Variants in PPP2R2B observed in about 807,000 individuals in gnomAD.
PPP2R2B encodes the protein protein phosphatase 2 regulatory subunit Bbeta.
Under a neutral mutation model 46.0 loss-of-function variants are expected in PPP2R2B, and 5 were observed. The observed-to-expected ratio is 0.11, with a 90% CI of 0.06 to 0.23. PPP2R2B has a LOEUF of 0.23. Ranked by LOEUF, PPP2R2B falls within the 10% of genes least tolerant of loss-of-function variation. PPP2R2B has a pLI of 1.00. For missense variants in PPP2R2B, 367 were observed against 575.0 expected (o/e 0.64, Z 3.70); for synonymous variants, 215 against 206.7 (o/e 1.04, Z -0.34).
chr5:146,594,903 T>A (rs1479942898), intron 8 of PPP2R2B, among the ~76,000 whole-genome samples: 1 of 152,222 alleles, frequency 6.6e-6, no homozygotes, highest in African/African-American at 2.4e-5. Context: ...GATCTCTTTT[T>A]TCCTGCAACT....
rs113231233 is a variant in PPP2R2B, at chr5:146,768,814, T to C, written c.71-67672A>G. Among the ~76,000 whole-genome samples, 1,269 of 152,290 alleles carry C rather than the reference T, an allele frequency of 8.3e-3. 26 individuals are homozygous for C. Among genetic ancestry groups the C allele is most frequent in the African/African-American group, 0.029 (1,216 of 41,552 alleles). ...TGCTGTCGCATCTGCCTAGTGTTTCTGAGACTTTTTACAGCTCTTAATCCT... is the reference window on the plus strand; with the variant it reads ...TGCTGTCGCATCTGCCTAGTGTTTCCGAGACTTTTTACAGCTCTTAATCCT... On this transcript the variant is annotated intron_variant, in intron 2 of 9. Coordinates refer to ENST00000394411, the MANE Select transcript of PPP2R2B (RefSeq NM_181675.4).
intron 1 of PPP2R2B, chr5:146,922,462 T>C (rs1193946373): frequency 2.0e-5 from 3 of 152,222 alleles, no homozygotes; most frequent in East Asian, 1.9e-4. Context: ...GACTGTAAGC[T>C]AGATGGTAGG....
chr5:147,052,025 G>A (rs139221864), intron 1 of PPP2R2B, among the ~76,000 whole-genome samples: 126 of 152,000 alleles, frequency 8.3e-4, no homozygotes, highest in Non-Finnish European at 1.5e-3. Context: ...AAGGAGTTAT[G>A]TGCTTCCTTA....
In PPP2R2B at chr5:146,878,115, A is replaced by G; in HGVS notation, c.-44T>C. 1 of 1,613,844 alleles carries G rather than the reference A, an allele frequency of 6.2e-7. No individual in the cohort carries two copies. On this transcript the variant is annotated 5_prime_UTR_variant, in exon 2 of 10. Coordinates refer to ENST00000394411, the MANE Select transcript of PPP2R2B (RefSeq NM_181675.4). The surrounding 1 kb of genome is among the most constrained non-coding windows in gnomAD (Gnocchi z 4.5). ...CGTGGGAACCAGAAGCCGGCAGACA[A>G]GTATCCATGATCCCTCCCCGCAGCC...
chr5:146,636,352 G>A (rs1774821277), intron 7 of PPP2R2B, among the ~76,000 whole-genome samples: 2 of 152,224 alleles, frequency 1.3e-5, no homozygotes, highest in Admixed American at 1.3e-4. Flanking sequence ...AAATTTGGGA[G>A]TGGGGGTAGA....
intron 1 of PPP2R2B, among the ~76,000 whole-genome samples, chr5:146,998,160 G>A (rs967099248): frequency 1.3e-5 from 2 of 152,190 alleles, no homozygotes; most frequent in African/African-American, 4.8e-5. Context: ...TCCTGGGACA[G>A]GCATTTTAAT....
At chr5:146,700,893 T>C in intron 3 of PPP2R2B, 152 bp downstream of exon 3, 1 of 707,214 alleles carries the variant, frequency 1.4e-6, no homozygotes. Flanking sequence ...TGAGTCTGAA[T>C]GTATAACAGT....
At position 146,687,112 on chromosome 5, in the gene PPP2R2B, G is replaced by A. The variant is rs572881311; in HGVS notation, c.447+4016C>T. ...GGAGAGGAAGAGAGGGAGAGGGAGAGAGAGGGAGCGATTGATCGATTAATC... is the reference window on the plus strand; with the variant it reads ...GGAGAGGAAGAGAGGGAGAGGGAGAAAGAGGGAGCGATTGATCGATTAATC... On this transcript the variant is annotated intron_variant, in intron 5 of 9. Transcript: ENST00000394411. Among the ~76,000 whole-genome samples the A allele has an allele frequency of 1.3e-4, 20 of 151,664 alleles. No homozygotes were observed. The Middle Eastern group carries it at 0.01, about 77-fold the overall frequency.
chr5:146,895,916 C>T (rs150223941), intron 1 of PPP2R2B, among the ~76,000 whole-genome samples: 1 of 152,194 alleles, frequency 6.6e-6, no homozygotes, highest in East Asian at 1.9e-4. Flanking sequence ...TATGTCCTGT[C>T]ACAGACCAGT....
intron 2 of PPP2R2B, among the ~76,000 whole-genome samples, chr5:146,759,892 T>C (rs190738811): frequency 2.7e-3 from 405 of 152,296 alleles, no homozygotes; most frequent in African/African-American, 9.2e-3. Flanking sequence ...TGTTAGTAGT[T>C]ATTGTGATGT....
intron 1 of PPP2R2B, among the ~76,000 whole-genome samples, chr5:147,012,682 T>C (rs1398952566): frequency 6.6e-6 from 1 of 151,738 alleles, no homozygotes; most frequent in African/African-American, 2.4e-5. Context: ...AGGGTGTCAA[T>C]TTTGGATCTT....
At chr5:146,667,489 A>G (rs1777074179) in intron 5 of PPP2R2B, among the ~76,000 whole-genome samples, 1 of 152,080 alleles carries the variant, frequency 6.6e-6, no homozygotes, top group Non-Finnish European at 1.5e-5. Context: ...ATAAGAATGG[A>G]GAAAAAGAAG....
At chr5:146,897,051 A>T (rs1762667501) in intron 1 of PPP2R2B, among the ~76,000 whole-genome samples, 1 of 152,208 alleles carries the variant, frequency 6.6e-6, no homozygotes, top group Non-Finnish European at 1.5e-5. Context: ...CTTTAAAATG[A>T]TAGTAAAGAA....
chr5:146,698,195 G>A (rs756388833), intron 3 of PPP2R2B, 51 bp from the exon 4 acceptor site: 12 of 1,424,466 alleles, frequency 8.4e-6, no homozygotes, highest in Non-Finnish European at 1.1e-5. Context: ...GTAGCCAACT[G>A]TAAAACTCGC....
At chr5:146,708,407 A>G (rs200776326) in intron 2 of PPP2R2B, among the ~76,000 whole-genome samples, 144 of 138,710 alleles carry the variant, frequency 1.0e-3, no homozygotes, top group African/African-American at 3.5e-3. Context: ...GTGTGTGTGT[A>G]TGTGTGTGTG....
At chr5:146,593,396 A>ATATT (rs2151003395) in intron 8 of PPP2R2B, among the ~76,000 whole-genome samples, 1 of 152,352 alleles carries the variant, frequency 6.6e-6, no homozygotes, top group East Asian at 1.9e-4. Flanking sequence ...TATTCAACAA[A>ATATT]TATTTACTGA....
intron 1 of PPP2R2B, among the ~76,000 whole-genome samples, chr5:146,900,101 G>T (rs1762776569): frequency 6.6e-6 from 1 of 152,152 alleles, no homozygotes; most frequent in Non-Finnish European, 1.5e-5. Context: ...CTGGGGAACC[G>T]GAAATTTATT....
chr5:146,900,960 T>C (rs1297807645), intron 1 of PPP2R2B, among the ~76,000 whole-genome samples: 1 of 152,174 alleles, frequency 6.6e-6, no homozygotes, highest in Non-Finnish European at 1.5e-5. Flanking sequence ...AAGGACATGA[T>C]CTCATTCCTT....
chr5:146,907,228 G>C (rs947843603), intron 1 of PPP2R2B, among the ~76,000 whole-genome samples: 1 of 151,816 alleles, frequency 6.6e-6, no homozygotes. Flanking sequence ...TCCATCAGCA[G>C]ATGTAGAAGT....
Sources: allele counts gnomAD v4.1 joint callset (sites outside exome capture counted in the v4.1 genomes callset), GRCh38; gene constraint gnomAD v4.1.1; non-coding constraint Gnocchi (gnomAD v3.1); transcripts MANE v1.5; gene names NCBI Gene and HGNC (gene_info 2026-07-23, HGNC 2026-07-21).